The following PCDHGA9 variants were observed in gnomAD, a reference collection of about 807,000 sequenced individuals.
The protein encoded by PCDHGA9 is protocadherin gamma subfamily A, 9.
Under a neutral mutation model 62.5 loss-of-function variants are expected in PCDHGA9, and 37 were observed. The ratio of observed to expected loss-of-function variants is 0.59; its 90% CI spans 0.46 to 0.78. PCDHGA9 has a LOEUF of 0.78. PCDHGA9 is among the 30% of genes least tolerant of loss of function. The pLI is 0.00. For synonymous variants in PCDHGA9, 459 were observed against 484.6 expected (o/e 0.95, Z 0.69); for missense variants, 1,138 against 1,166.2 (o/e 0.98, Z 0.35).
At chr5:141,478,051 G>A (rs751371411) in intron 1 of PCDHGA9, 2 of 1,614,088 alleles carry the variant, frequency 1.2e-6, no homozygotes, top group East Asian at 2.2e-5. Context: ...AGACTCTCAC[G>A]GTCTTGATCA....
chr5:141,476,054 A>T lies in PCDHGA9; in HGVS notation c.2425-18753A>T. The T allele has an allele frequency of 3.3e-6, 5 of 1,504,982 alleles. No homozygotes were observed. The highest frequency in any genetic ancestry group is 4.4e-6 in the Non-Finnish European group (5 of 1,134,040). 93.2% of individuals were successfully genotyped at this position (1,504,982 alleles called of 1,614,324 possible). A position where few individuals can be genotyped will look rare whatever the true frequency, so the allele number is the denominator to read the frequency against. ...AGCGCCCAAGCGCTAACCCGCTGAA[A>T]GTTTCTCAGCGAAATCTCAGGGACG... On this transcript the variant is annotated intron_variant, in intron 1 of 3. Coordinates refer to ENST00000573521, the MANE Select transcript of PCDHGA9 (RefSeq NM_018921.3). The surrounding 1 kb of genome is among the most constrained non-coding windows in gnomAD (Gnocchi z 7.6).
chr5:141,460,289 T>C, intron 1 of PCDHGA9, among the ~76,000 whole-genome samples: 1 of 152,148 alleles, frequency 6.6e-6, no homozygotes, highest in East Asian at 1.9e-4. Context: ...TTTGTATTTC[T>C]TATGTCCTAT....
chr5:141,414,318 G>A (rs1212643655), intron 1 of PCDHGA9: 1 of 1,613,772 alleles, frequency 6.2e-7, no homozygotes, highest in Non-Finnish European at 8.5e-7. Context: ...TAGACTCTGA[G>A]CAGAATGGAC....
At chr5:141,479,486 A>T (rs72790065) in intron 1 of PCDHGA9, 21,264 of 152,292 alleles carry the variant, frequency 0.14, 1,529 homozygotes, top group Admixed American at 0.16. Context: ...GGGCAGGACC[A>T]TCAGGTTGCC....
chr5:141,409,405 C>G, intron 1 of PCDHGA9: 1 of 1,614,050 alleles, frequency 6.2e-7, no homozygotes, highest in Non-Finnish European at 8.5e-7. Flanking sequence ...CCAATAACTA[C>G]TACAAACTGG....
At chr5:141,405,881 T>C (rs998587989) in intron 1 of PCDHGA9, among the ~76,000 whole-genome samples, 4 of 152,210 alleles carry the variant, frequency 2.6e-5, no homozygotes, top group Admixed American at 2.6e-4. Flanking sequence ...GGCCTAATTG[T>C]TGCTCCAACA....
At position 141,476,242 on chromosome 5, in the gene PCDHGA9, G is replaced by A. The variant is rs369923405; in HGVS notation, c.2425-18565G>A. The A allele has an allele frequency of 6.2e-6, 10 of 1,614,100 alleles. No individual in the cohort carries two copies. The highest frequency in any genetic ancestry group is 8.5e-6 in the Non-Finnish European group (10 of 1,180,026). The stretch of plus-strand genomic sequence containing the variant: ...ACTATGAGATCCCGGAGGAAAGAGA[G>A]AAGGGTTTCGCTGTGGGCAACGTGG... On this transcript the variant is annotated intron_variant, in intron 1 of 3. Transcript: ENST00000573521. This position sits in a 1 kb window ranked among gnomAD's most constrained non-coding sequence, Gnocchi z 7.6.
rs529029548 is a variant in PCDHGA9 at position 141,483,337 on chromosome 5, T to C, written c.2425-11470T>C. 9.2e-5 allele frequency among the ~76,000 whole-genome samples: 14 copies of C among 152,260 alleles called. No homozygotes were observed. In the East Asian group the frequency reaches 2.5e-3, roughly 27 times the overall value. On this transcript the variant is annotated intron_variant, in intron 1 of 3. Transcript: ENST00000573521. Reference sequence around the variant, plus strand: ...TGGGACTGGAGGCAAAGAGATCTTATCTCTTTGCAATAGTTTGAAAGCTAT... The same window carrying C: ...TGGGACTGGAGGCAAAGAGATCTTACCTCTTTGCAATAGTTTGAAAGCTAT...
At position 141,409,758 on chromosome 5, in the gene PCDHGA9, C is replaced by A. The variant is rs763902801; in HGVS notation, c.2424+4382C>A. Reference sequence around the variant, plus strand: ...AGCGGGGTGGTGTTCGCGCAGCGCGCCTTTGATCACGAGCAGCTGCGCGCC... The same window carrying A: ...AGCGGGGTGGTGTTCGCGCAGCGCGACTTTGATCACGAGCAGCTGCGCGCC... On this transcript the variant is annotated intron_variant, in intron 1 of 3. Transcript: ENST00000573521. 4 of 1,612,868 alleles carry A rather than the reference C, an allele frequency of 2.5e-6. No homozygotes were observed. In the African/African-American group the frequency reaches 4.0e-5, roughly 16 times the overall value.
At chr5:141,428,004 G>A in intron 1 of PCDHGA9, 1 of 1,601,732 alleles carries the variant, frequency 6.2e-7, no homozygotes, top group Non-Finnish European at 8.5e-7. Flanking sequence ...CGCACTCTTC[G>A]ATATAGTGCC....
Position 141,485,183 on chromosome 5 carries a change from A to C in PCDHGA9, c.2425-9624A>C, listed in dbSNP as rs777796801. On this transcript the variant is annotated intron_variant, in intron 1 of 3. Transcript: ENST00000573521. This position sits in a 1 kb window ranked among gnomAD's most constrained non-coding sequence, Gnocchi z 5.7. ...TTAGCGGGCGGCAGCAATGCTCCGC[A>C]AGGTGAGAAGCTGGACAGAAATCTG... 1.9e-6 allele frequency: 3 copies of C among 1,613,248 alleles called. No individual in the cohort carries two copies. The highest frequency in any genetic ancestry group is 3.3e-5 in the Admixed American group (2 of 60,006).
At chr5:141,464,263 TAA>T (rs35224477) in intron 1 of PCDHGA9, among the ~76,000 whole-genome samples, 15 of 103,552 alleles carry the variant, frequency 1.4e-4, no homozygotes, top group Admixed American at 3.2e-4. Context: ...AGACTCCGTC[TAA>T]AAAAAAAAAA....
rs749044339 is a variant in PCDHGA9, at chr5:141,477,410, G to A, written c.2425-17397G>A. On this transcript the variant is annotated intron_variant, in intron 1 of 3. Coordinates refer to ENST00000573521, the MANE Select transcript of PCDHGA9 (RefSeq NM_018921.3). This position sits in a 1 kb window ranked among gnomAD's most constrained non-coding sequence, Gnocchi z 4.9. ...CAACCTCAGCATCACCGCCCGAGAC[G>A]CCGGAACCCCTTCCCTCTCAGCCCT... 66 of 1,613,988 alleles carry A rather than the reference G, an allele frequency of 4.1e-5. 1 individual carries two copies. The South Asian group carries it at 7.0e-4, about 17-fold the overall frequency.
chr5:141,499,751 A>G (rs1355923543), intron 2 of PCDHGA9, among the ~76,000 whole-genome samples: 2 of 149,258 alleles, frequency 1.3e-5, no homozygotes, highest in Non-Finnish European at 3.0e-5. Flanking sequence ...CTGTGGCACA[A>G]TCTCAGCTCA....
Position 141,409,599 on chromosome 5 carries a change from C to A in PCDHGA9, c.2424+4223C>A, listed in dbSNP as rs753753955. The A allele has an allele frequency of 9.9e-6, 16 of 1,613,822 alleles. No individual in the cohort carries two copies. The Admixed American group carries it at 2.2e-4, about 22-fold the overall frequency. ...GTGGTCCACGTGGCCGAGAACAACC[C>A]GCCAGGAGCCTCCATTGCGCAAGTG... On this transcript the variant is annotated intron_variant, in intron 1 of 3. Transcript: ENST00000573521.
intron 1 of PCDHGA9, chr5:141,423,313 G>T (rs1407028245): frequency 1.2e-6 from 2 of 1,614,184 alleles, no homozygotes; most frequent in Non-Finnish European, 1.7e-6. Context: ...GTACTTGGTG[G>T]TGGCGGTGGC....
chr5:141,413,909 T>C, intron 1 of PCDHGA9: 2 of 1,613,316 alleles, frequency 1.2e-6, no homozygotes, highest in Non-Finnish European at 1.7e-6. Context: ...AACGCGCCGG[T>C]CTTCACCTTG....
chr5:141,476,979 G>T lies in PCDHGA9; in HGVS notation c.2425-17828G>T. The T allele has an allele frequency of 1.2e-6, 2 of 1,614,238 alleles. No individual in the cohort carries two copies. The highest frequency in any genetic ancestry group is 1.7e-6 in the Non-Finnish European group (2 of 1,180,042). The stretch of plus-strand genomic sequence containing the variant: ...ATTTACTCCTTCGGCAGCCACAACC[G>T]CGCCGGCGTGCGGCAACTATTCGCC... On this transcript the variant is annotated intron_variant, in intron 1 of 3. Coordinates refer to ENST00000573521, the MANE Select transcript of PCDHGA9 (RefSeq NM_018921.3). This position sits in a 1 kb window ranked among gnomAD's most constrained non-coding sequence, Gnocchi z 7.6.
At position 141,404,408 on chromosome 5, in the gene PCDHGA9, A is replaced by G; in HGVS notation, c.1456A>G (p.Arg486Gly). 1 of 1,613,900 alleles carries G rather than the reference A, an allele frequency of 6.2e-7. No homozygotes were observed. Among genetic ancestry groups the G allele is most frequent in the Non-Finnish European group, 8.5e-7 (1 of 1,179,850 alleles). The change falls in exon 1 of 4, where the codon AGA becomes GGA. Residue 486 changes from arginine (R) to glycine (G), a missense_variant. Transcript: ENST00000573521. ...AYDPDSNENS[R>G]VIYSLAEDTI... ...TGACCCTGATAGCAATGAGAATTCTAGAGTTATTTACTCCTTGGCAGAGGA... is the reference window on the plus strand; with the variant it reads ...TGACCCTGATAGCAATGAGAATTCTGGAGTTATTTACTCCTTGGCAGAGGA...
Sources: allele counts gnomAD v4.1 joint callset (sites outside exome capture counted in the v4.1 genomes callset), GRCh38; gene constraint gnomAD v4.1.1; non-coding constraint Gnocchi (gnomAD v3.1); transcripts MANE v1.5; gene names NCBI Gene and HGNC (gene_info 2026-07-23, HGNC 2026-07-21).